The following SYMPK variants were observed in gnomAD, a reference collection of about 807,000 sequenced individuals.
The protein encoded by SYMPK is symplekin scaffold protein.
In SYMPK, 49 loss-of-function variants were observed where a neutral mutation model predicts 136.4. That is an observed-to-expected ratio of 0.36 (90% CI 0.29 to 0.46). The LOEUF is 0.46. SYMPK is among the 20% of genes least tolerant of loss of function. The pLI is 1.00. For synonymous variants in SYMPK, 766 were observed against 713.0 expected, an observed-to-expected ratio of 1.07 and a Z score of -1.19; for missense variants, 1,365 against 1,690.0, an observed-to-expected ratio of 0.81 and a Z score of 3.37.
At position 45,821,826 on chromosome 19, in the gene SYMPK, G is replaced by A. The variant is rs563138280; in HGVS notation, c.2792-341C>T. Among the ~76,000 whole-genome samples, 111 of 152,272 alleles carry A rather than the reference G, an allele frequency of 7.3e-4. No homozygotes were observed. Among genetic ancestry groups the A allele is most frequent in the Non-Finnish European group, 1.4e-3 (92 of 68,012 alleles). ...GGTCCCCAACACAGACTCCACCGCG[G>A]CACAGGGGGTCATGGGCATTTGTGG... On this transcript the variant is annotated intron_variant, in intron 21 of 26. Coordinates refer to ENST00000245934, the MANE Select transcript of SYMPK (RefSeq NM_004819.3). The surrounding 1 kb of genome is among the most constrained non-coding windows in gnomAD (Gnocchi z 4.4).
chr19:45,853,720 G>A (rs1424310127), intron 3 of SYMPK, among the ~76,000 whole-genome samples: 2 of 152,108 alleles, frequency 1.3e-5, no homozygotes, highest in African/African-American at 2.4e-5. Context: ...CCATCCCTAG[G>A]CTGGGTCAGG....
At chr19:45,841,845 T>G (rs1396099524) in intron 9 of SYMPK, among the ~76,000 whole-genome samples, 1 of 151,548 alleles carries the variant, frequency 6.6e-6, no homozygotes, top group Admixed American at 6.6e-5. Context: ...ACCTGGGGAG[T>G]GGTTACTTCT....
chr19:45,857,161 C>A (rs1971840554), intron 1 of SYMPK, among the ~76,000 whole-genome samples: 1 of 151,732 alleles, frequency 6.6e-6, no homozygotes, highest in Admixed American at 6.6e-5. Flanking sequence ...GTAATCCCAG[C>A]ACTTTGGGAG....
intron 3 of SYMPK, among the ~76,000 whole-genome samples, chr19:45,853,372 T>G (rs570019216): frequency 6.6e-6 from 1 of 152,318 alleles, no homozygotes; most frequent in Admixed American, 6.5e-5. Context: ...GCACGGTGGC[T>G]CGTGCCTGTA....
intron 5 of SYMPK, among the ~76,000 whole-genome samples, chr19:45,849,648 AT>A (rs1971649999): frequency 1.3e-5 from 2 of 152,212 alleles, no homozygotes; most frequent in Admixed American, 1.3e-4. Context: ...CATGGTATGT[AT>A]TTGCTGAATG....
chr19:45,847,660 A>G (rs1169515257), intron 7 of SYMPK, 92 bp downstream of exon 7: 5 of 1,490,012 alleles, frequency 3.4e-6, no homozygotes, highest in Non-Finnish European at 4.5e-6. Flanking sequence ...GAAATTTAAA[A>G]CCAAAAAAGA....
intron 5 of SYMPK, among the ~76,000 whole-genome samples, chr19:45,850,140 G>C (rs554851136): frequency 2.0e-5 from 3 of 152,106 alleles, no homozygotes; most frequent in African/African-American, 4.8e-5. Context: ...AGATACTCGG[G>C]GGGGCTGAGG....
rs533351853 is a variant in SYMPK, at chr19:45,816,032, G to C, written c.3506C>G (p.Ser1169Cys). ...CGACGGAGAGGGAGAGGGGGAGGAA[G>C]AGGAGGGGGCTCCCACTCCTCCCGG... is the stretch of plus-strand genomic sequence containing the variant. The part of the protein sequence containing the change: ...LKPGGVGAPS[S>C]SSPSPSPSAR... Residue 1169 changes from serine to cysteine, a missense_variant, in exon 26 of 27, where the codon TCT becomes TGT. By Grantham distance (112) the Ser-to-Cys change is moderately radical (BLOSUM62 -1). Around this residue, in one of 11 missense-constraint regions of SYMPK, gnomAD observed 341 missense variants for 270.5 expected, o/e 1.26. Coordinates refer to ENST00000245934, the MANE Select transcript of SYMPK (RefSeq NM_004819.3). 6.3e-7 allele frequency: 1 copy of C among 1,583,752 alleles called. No individual in the cohort carries two copies. Among genetic ancestry groups the C allele is most frequent in the Admixed American group, 1.8e-5 (1 of 55,552 alleles).
rs1186666786 is a variant in SYMPK, at chr19:45,848,232, C to T, written c.427-231G>A. 2.0e-5 allele frequency among the ~76,000 whole-genome samples: 3 copies of T among 152,176 alleles called. 1 individual carries two copies. Among genetic ancestry groups the T allele is most frequent in the East Asian group, 1.9e-4 (1 of 5,198 alleles). On this transcript the variant is annotated intron_variant, in intron 6 of 26. Coordinates refer to ENST00000245934, the MANE Select transcript of SYMPK (RefSeq NM_004819.3). The stretch of plus-strand genomic sequence containing the variant: ...CCCTCATGGGGATGCAGAGAGTGAC[C>T]ACTCAGTGTGATGAAGGCACACATC...
chr19:45,850,904 A>T (rs1204389619), intron 5 of SYMPK, among the ~76,000 whole-genome samples: 2 of 151,674 alleles, frequency 1.3e-5, no homozygotes, highest in Admixed American at 1.3e-4. Context: ...GGCAGGAAGG[A>T]ATTTCTGAGG....
Position 45,821,154 on chromosome 19 carries a change from G to A in SYMPK, c.2893+230C>T, listed in dbSNP as rs978644638. The A allele has an allele frequency of 3.3e-6, 2 of 600,602 alleles. No individual in the cohort carries two copies. Among genetic ancestry groups the A allele is most frequent in the Admixed American group, 2.2e-5 (1 of 45,910 alleles). The allele number at this position is 600,602 out of a possible 1,614,324, so 37.2% of individuals were successfully genotyped here. A position where few individuals can be genotyped will look rare whatever the true frequency, so the allele number is the denominator to read the frequency against. ...GGTACATCAGAGGCAGAAAAAGGTGGGTTGTAAAGGGTAAAACCTGGGAGG... is the reference window on the plus strand; with the variant it reads ...GGTACATCAGAGGCAGAAAAAGGTGAGTTGTAAAGGGTAAAACCTGGGAGG... On this transcript the variant is annotated intron_variant, in intron 22 of 26. Transcript: ENST00000245934. This position sits in a 1 kb window ranked among gnomAD's most constrained non-coding sequence, Gnocchi z 4.4.
At chr19:45,826,127 C>T (rs1971038232) in intron 17 of SYMPK, 99 bp downstream of exon 17, 3 of 1,497,724 alleles carry the variant, frequency 2.0e-6, no homozygotes, top group South Asian at 2.6e-5. Flanking sequence ...ATTCCCGTCA[C>T]TCGTGTCCGA....
At chr19:45,848,703 C>A (rs375551580) in intron 6 of SYMPK, 47 bp downstream of exon 6, 1 of 1,609,840 alleles carries the variant, frequency 6.2e-7, no homozygotes, top group East Asian at 2.2e-5. Context: ...AGTTTGTCAA[C>A]GAGACATATC....
intron 13 of SYMPK, among the ~76,000 whole-genome samples, chr19:45,829,802 TC>T (rs1971127053): frequency 6.6e-6 from 1 of 152,206 alleles, no homozygotes; most frequent in South Asian, 2.1e-4. Flanking sequence ...TGCAGAGGCC[TC>T]CCAGCACCTG....
At chr19:45,839,852 AAAAAAACAC>A (rs1010817523) in intron 9 of SYMPK, among the ~76,000 whole-genome samples, 13 of 151,996 alleles carry the variant, frequency 8.6e-5, no homozygotes, top group Middle Eastern at 3.4e-3. Flanking sequence ...AAAACAAAAC[AAAAAAACAC>A]AAAAAAACCA....
At chr19:45,839,483 T>C (rs1033500067) in intron 9 of SYMPK, among the ~76,000 whole-genome samples, 14 of 152,146 alleles carry the variant, frequency 9.2e-5, no homozygotes, top group Non-Finnish European at 1.8e-4. Context: ...CTGATAAATG[T>C]AGAAGGAAAA....
intron 3 of SYMPK, among the ~76,000 whole-genome samples, chr19:45,853,957 C>T (rs371765145): frequency 3.3e-5 from 5 of 152,304 alleles, no homozygotes; most frequent in African/African-American, 9.6e-5. Context: ...TAATTTAAGC[C>T]CCGGGGTCTG....
At chr19:45,849,499 T>C (rs1288966196) in intron 5 of SYMPK, among the ~76,000 whole-genome samples, 1 of 152,186 alleles carries the variant, frequency 6.6e-6, no homozygotes, top group Non-Finnish European at 1.5e-5. Flanking sequence ...TTTCACAGCA[T>C]ACATTACAAT....
intron 11 of SYMPK, among the ~76,000 whole-genome samples, chr19:45,834,145 G>A (rs374112976): frequency 9.2e-5 from 14 of 152,102 alleles, no homozygotes; most frequent in African/African-American, 2.7e-4. Context: ...AAAATTAGCC[G>A]GGCGTGGTGG....
Sources: allele counts gnomAD v4.1 joint callset (sites outside exome capture counted in the v4.1 genomes callset), GRCh38; gene constraint gnomAD v4.1.1; regional missense constraint gnomAD v4.1.1; non-coding constraint Gnocchi (gnomAD v3.1); transcripts MANE v1.5; gene names NCBI Gene and HGNC (gene_info 2026-07-23, HGNC 2026-07-21).